PPP2CB: variants seen among roughly 807,000 people sequenced by gnomAD.
The protein encoded by PPP2CB is serine/threonine-protein phosphatase 2A catalytic subunit beta isoform.
In PPP2CB, 18 loss-of-function variants were observed where a neutral mutation model predicts 39.1. That is an observed-to-expected ratio of 0.46 (90% CI 0.32 to 0.68). PPP2CB has a LOEUF of 0.68. Among genes scored for constraint, PPP2CB ranks in the 30% least tolerant of loss-of-function variants. PPP2CB has a pLI of 0.04. For synonymous variants in PPP2CB, 129 were observed against 133.8 expected, an observed-to-expected ratio of 0.96 and a Z score of 0.25; for missense variants, 226 against 396.9, an observed-to-expected ratio of 0.57 and a Z score of 3.66.
rs566377971 is a variant in PPP2CB at position 30,794,157 on chromosome 8, TTTTCC to T, written c.576+30_576+34del. 8.5e-5 allele frequency: 136 copies of T among 1,608,532 alleles called. No homozygotes were observed. The Middle Eastern group carries it at 1.0e-3, about 12-fold the overall frequency. ...ATCCTCAAAATGTGGTTATATTTTC[TTTTCC>T]TTTCTTCTTCTTTTTTAAATTAAGT... On this transcript the variant is annotated intron_variant, in intron 4 of 6. Transcript: ENST00000221138.
chr8:30,799,831 A>G, intron 1 of PPP2CB, 76 bp from the exon 2 acceptor site: 2 of 1,337,968 alleles, frequency 1.5e-6, no homozygotes, highest in Non-Finnish European at 2.1e-6. Context: ...ATTTGGGGAA[A>G]AAAACACTTG....
At chr8:30,809,780 TA>T in intron 1 of PPP2CB, among the ~76,000 whole-genome samples, 1 of 151,556 alleles carries the variant, frequency 6.6e-6, no homozygotes, top group South Asian at 2.1e-4. Flanking sequence ...ATAAAAAAAA[TA>T]AAAAAATTAT....
At chr8:30,788,737 C>T (rs925477961) in intron 6 of PPP2CB, among the ~76,000 whole-genome samples, 2 of 152,184 alleles carry the variant, frequency 1.3e-5, no homozygotes, top group Non-Finnish European at 2.9e-5. Flanking sequence ...AGTCAGTTTA[C>T]AGTGTTGCTC....
chr8:30,791,544 CG>C (rs1354539810), intron 5 of PPP2CB: 2 of 338,260 alleles, frequency 5.9e-6, no homozygotes, highest in Non-Finnish European at 1.1e-5. Context: ...GTTGTTTTGC[CG>C]TATCTATGCT....
intron 5 of PPP2CB, among the ~76,000 whole-genome samples, chr8:30,791,773 A>G (rs1481885804): frequency 6.6e-6 from 1 of 151,910 alleles, no homozygotes; most frequent in African/African-American, 2.4e-5. Flanking sequence ...TATCTCATTC[A>G]TATTATTAGC....
chr8:30,800,559 A>C (rs1806603711), intron 1 of PPP2CB, among the ~76,000 whole-genome samples: 1 of 152,244 alleles, frequency 6.6e-6, no homozygotes, highest in South Asian at 2.1e-4. Flanking sequence ...GAAGTACAGA[A>C]TTTATGCTTA....
At position 30,794,065 on chromosome 8, in the gene PPP2CB, T is replaced by C. The variant is rs1448407305; in HGVS notation, c.590A>G (p.Asp197Gly). 1 of 1,609,020 alleles carries C rather than the reference T, an allele frequency of 6.2e-7. No homozygotes were observed. Among genetic ancestry groups the C allele is most frequent in the Non-Finnish European group, 8.5e-7 (1 of 1,177,372 alleles). ...QEVPHEGPMC[D>G]LLWSDPDDRG... ...ATCATCTGGATCTGACCATAACAGA[T>C]CACACATTGGGCCCTGGCCAAGAAA... The change falls in exon 5 of 7, where the codon GAT becomes GGT. Residue 197 changes from aspartate to glycine, a missense_variant. By Grantham distance (94) the Asp-to-Gly change is moderately conservative (BLOSUM62 -1). Around this residue, in one of 4 missense-constraint regions of PPP2CB, gnomAD observed 110 missense variants for 244.1 expected, o/e 0.45. Transcript: ENST00000221138.
At chr8:30,794,121 C>A in intron 4 of PPP2CB, 43 bp from the exon 5 acceptor site, 1 of 1,603,464 alleles carries the variant, frequency 6.2e-7, no homozygotes, top group South Asian at 1.1e-5. Flanking sequence ...TATTATCAGT[C>A]ATACTTTATC....
At chr8:30,795,705 C>T (rs1806511843) in intron 3 of PPP2CB, among the ~76,000 whole-genome samples, 1 of 152,288 alleles carries the variant, frequency 6.6e-6, no homozygotes, top group Middle Eastern at 3.4e-3. Context: ...AAACTATTTA[C>T]ACCTGGTTGC....
intron 3 of PPP2CB, among the ~76,000 whole-genome samples, chr8:30,796,360 G>A (rs1003498503): frequency 6.6e-6 from 1 of 152,024 alleles, no homozygotes; most frequent in South Asian, 2.1e-4. Flanking sequence ...GAATTATGGA[G>A]TTTTATTATA....
At chr8:30,811,932 T>C (rs1273433126) in intron 1 of PPP2CB, among the ~76,000 whole-genome samples, 3 of 152,188 alleles carry the variant, frequency 2.0e-5, no homozygotes, top group Non-Finnish European at 4.4e-5. Context: ...AAATGGTCCT[T>C]TTCGGACGTC....
chr8:30,786,429 T>TA (rs1806342925), intron 6 of PPP2CB, 122 bp from the exon 7 acceptor site: 5 of 757,484 alleles, frequency 6.6e-6, no homozygotes, highest in Non-Finnish European at 1.1e-5. Flanking sequence ...CTACATCACT[T>TA]ACGGCTGGAA....
intron 1 of PPP2CB, among the ~76,000 whole-genome samples, chr8:30,811,098 C>G (rs935697412): frequency 6.6e-6 from 1 of 152,072 alleles, no homozygotes; most frequent in African/African-American, 2.4e-5. Context: ...CTCTAGACTT[C>G]AAAGATGGAG....
chr8:30,791,357 T>C, intron 5 of PPP2CB, 42 bp from the exon 6 acceptor site: 2 of 1,398,424 alleles, frequency 1.4e-6, no homozygotes, highest in East Asian at 4.6e-5. Flanking sequence ...TATAATATTA[T>C]GATTTTGACA....
chr8:30,790,596 C>T (rs1806413782), intron 6 of PPP2CB, among the ~76,000 whole-genome samples: 1 of 152,198 alleles, frequency 6.6e-6, no homozygotes, highest in East Asian at 1.9e-4. Flanking sequence ...GGTTTATAAG[C>T]AGGTGCTGGG....
At chr8:30,786,663 T>C (rs1777251931) in intron 6 of PPP2CB, among the ~76,000 whole-genome samples, 1 of 121,646 alleles carries the variant, frequency 8.2e-6, no homozygotes. Flanking sequence ...ATAATATCAC[T>C]TTTTTTTTTT....
chr8:30,795,410 T>C (rs12542101), intron 3 of PPP2CB, among the ~76,000 whole-genome samples: 62,549 of 152,176 alleles, frequency 0.41, 16,743 homozygotes, highest in African/African-American at 0.76. Flanking sequence ...CCACCTCACC[T>C]GGCCTGATGA....
chr8:30,789,931 T>C (rs578105457), intron 6 of PPP2CB, among the ~76,000 whole-genome samples: 1 of 152,334 alleles, frequency 6.6e-6, no homozygotes, highest in South Asian at 2.1e-4. Context: ...AGCCTCTCCC[T>C]AGCTTCTGAT....
At chr8:30,786,350 G>T (rs747093306) in intron 6 of PPP2CB, 43 bp from the exon 7 acceptor site, 78 of 1,463,168 alleles carry the variant, frequency 5.3e-5, no homozygotes, top group Non-Finnish European at 5.6e-6. Context: ...ATCTGACTTT[G>T]CAAAGAAAAC....
Sources: allele counts gnomAD v4.1 joint callset (sites outside exome capture counted in the v4.1 genomes callset), GRCh38; gene constraint gnomAD v4.1.1; regional missense constraint gnomAD v4.1.1; transcripts MANE v1.5; gene names NCBI Gene and HGNC (gene_info 2026-07-23, HGNC 2026-07-21).